SLC38A6: variants seen among roughly 807,000 people sequenced by gnomAD.
The protein encoded by SLC38A6 is solute carrier family 38 member 6.
In SLC38A6, 73 loss-of-function variants were observed where a neutral mutation model predicts 65.0. The ratio of observed to expected loss-of-function variants is 1.12; its 90% confidence interval spans 0.93 to 1.37. The LOEUF is 1.37. Among genes scored for constraint, SLC38A6 ranks in the 40% most tolerant of loss-of-function variants. The probability of loss-of-function intolerance (pLI) is 0.00; values close to 1 mark genes in which losing one functional copy is unlikely to be tolerated. For missense variants in SLC38A6, 561 were observed against 531.1 expected (o/e 1.06, Z -0.55); for synonymous variants, 183 against 178.8 (o/e 1.02, Z -0.19).
chr14:61,021,050 G>A (rs1185651611), intron 5 of SLC38A6, among the ~76,000 whole-genome samples: 2 of 151,972 alleles, frequency 1.3e-5, no homozygotes, highest in Admixed American at 1.3e-4. Flanking sequence ...ATTGGAGATG[G>A]CTATACTGTA....
chr14:61,031,585 A>T (rs2040994195), intron 6 of SLC38A6, among the ~76,000 whole-genome samples: 1 of 152,090 alleles, frequency 6.6e-6, no homozygotes, highest in Non-Finnish European at 1.5e-5. Flanking sequence ...TTTACAGTTA[A>T]TGAGGTTTCC....
chr14:61,072,063 T>G (rs962520653), intron 15 of SLC38A6, among the ~76,000 whole-genome samples: 1 of 152,168 alleles, frequency 6.6e-6, no homozygotes, highest in African/African-American at 2.4e-5. Context: ...AAATCCAATA[T>G]CAAGGTACCA....
intron 11 of SLC38A6, 106 bp downstream of exon 11, chr14:61,045,531 T>C (rs1386094116): frequency 6.2e-6 from 5 of 801,958 alleles, no homozygotes; most frequent in Non-Finnish European, 1.0e-5. Flanking sequence ...CTCTCATCAG[T>C]GGATCCTAAG....
Position 61,037,671 on chromosome 14 carries a change from C to A in SLC38A6, c.612C>A (p.Phe204Leu). Residue 204 changes from phenylalanine (F) to leucine (L), a missense_variant, in exon 8 of 16, where the codon TTC becomes TTA. Phe to Leu is a conservative substitution (Grantham distance 22, BLOSUM62 0). Coordinates refer to ENST00000267488, the MANE Select transcript of SLC38A6 (RefSeq NM_153811.3). ...TSSLSFFFMMFFALVVIIKKW... is the reference protein window; with the variant it reads ...TSSLSFFFMMLFALVVIIKKW... The stretch of plus-strand genomic sequence containing the variant: ...GTTTATCATTTTTCTTTATGATGTT[C>A]TTTGCTCTTGTGGTAAGTTTAAAAT... The A allele has an allele frequency of 6.3e-7, 1 of 1,589,204 alleles. No homozygotes were observed. Among genetic ancestry groups the A allele is most frequent in the Non-Finnish European group, 8.6e-7 (1 of 1,163,132 alleles).
intron 5 of SLC38A6, among the ~76,000 whole-genome samples, chr14:61,021,325 A>C (rs547601401): frequency 1.3e-5 from 2 of 152,322 alleles, no homozygotes; most frequent in East Asian, 3.9e-4. Context: ...CAGGTATTTG[A>C]AAGACTGAAC....
At chr14:61,055,963 T>C, downstream of SLC38A6, among the ~76,000 whole-genome samples, 1 of 19,588 alleles carries the variant, frequency 5.1e-5, no homozygotes, top group African/African-American at 1.1e-4. Flanking sequence ...TTTGATGGGG[T>C]TGTTTGTTTT....
At chr14:60,992,632 G>A (rs772401253) in intron 3 of SLC38A6, among the ~76,000 whole-genome samples, 1 of 152,008 alleles carries the variant, frequency 6.6e-6, no homozygotes, top group Admixed American at 6.5e-5. Context: ...GGGACTGAGT[G>A]TGAGGTGGGA....
chr14:60,984,653 A>G (rs749004428), intron 2 of SLC38A6, 77 bp from the exon 3 acceptor site: 39 of 1,178,102 alleles, frequency 3.3e-5, no homozygotes, highest in Non-Finnish European at 4.6e-5. Flanking sequence ...CTGTTAAGCA[A>G]TTTGTTTTTG....
intron 16 of SLC38A6, among the ~76,000 whole-genome samples, chr14:61,079,152 T>C (rs2043544370): frequency 6.7e-6 from 1 of 148,382 alleles, no homozygotes; most frequent in Non-Finnish European, 1.5e-5. Context: ...TTTTTTTTTT[T>C]TTTGAGACAG....
chr14:61,002,100 A>C (rs2038750892), intron 3 of SLC38A6: 1 of 152,204 alleles, frequency 6.6e-6, no homozygotes, highest in African/African-American at 2.4e-5. Context: ...TGAAGAGCTA[A>C]GTAGTATACT....
At chr14:61,031,203 A>T (rs1345371644) in intron 6 of SLC38A6, among the ~76,000 whole-genome samples, 1 of 152,168 alleles carries the variant, frequency 6.6e-6, no homozygotes, top group African/African-American at 2.4e-5. Flanking sequence ...GAACAAGAAC[A>T]TTCTAGAAAA....
intron 15 of SLC38A6, among the ~76,000 whole-genome samples, chr14:61,059,475 T>G (rs929640844): frequency 2.2e-4 from 1 of 4,602 alleles, no homozygotes; most frequent in Non-Finnish European, 4.3e-4. Flanking sequence ...CTTGTTGGGT[T>G]TCTGCCGAGA....
chr14:61,010,022 T>C (rs993849244), intron 3 of SLC38A6, among the ~76,000 whole-genome samples: 2 of 152,238 alleles, frequency 1.3e-5, no homozygotes, highest in African/African-American at 4.8e-5. Flanking sequence ...TTCCTATTTT[T>C]CCACATCCTC....
chr14:60,984,263 T>G (rs567729583), intron 2 of SLC38A6, among the ~76,000 whole-genome samples: 1 of 152,278 alleles, frequency 6.6e-6, no homozygotes, highest in African/African-American at 2.4e-5. Context: ...AAATAAATCT[T>G]AAGTACACCT....
At chr14:61,020,973 A>T (rs572398977) in intron 5 of SLC38A6, among the ~76,000 whole-genome samples, 7 of 152,198 alleles carry the variant, frequency 4.6e-5, no homozygotes, top group African/African-American at 1.7e-4. Flanking sequence ...CACAAGGCCC[A>T]CTGTTGTATT....
At chr14:60,983,419 A>C (rs1400352077) in intron 2 of SLC38A6, among the ~76,000 whole-genome samples, 1 of 152,194 alleles carries the variant, frequency 6.6e-6, no homozygotes, top group Non-Finnish European at 1.5e-5. Context: ...TTGAGGCTGC[A>C]GTGAGCCATG....
rs188292841 is a variant in SLC38A6, at chr14:61,064,374, A to G, written c.1290+12239A>G. On this transcript the variant is annotated intron_variant, in intron 15 of 16. Coordinates refer to the SLC38A6 transcript ENST00000354886. ...TAACCCTAAATCTGCAACAGATGCA[A>G]GGATGCCCCCTGGGGGCAATTGTTA... Among the ~76,000 whole-genome samples the G allele has an allele frequency of 1.3e-3, 200 of 152,212 alleles. 1 individual carries two copies. The highest frequency in any genetic ancestry group is 1.8e-3 in the Non-Finnish European group (124 of 67,998).
In SLC38A6 at chr14:60,981,273, G is replaced by C. The variant is rs1250558458; in HGVS notation, c.-5G>C. 2 of 1,597,820 alleles carry C rather than the reference G, an allele frequency of 1.3e-6. No individual in the cohort carries two copies. Among genetic ancestry groups the C allele is most frequent in the Non-Finnish European group, 1.7e-6 (2 of 1,172,408 alleles). ...GATGGAACTGGTAGTCAGCTGGAGA[G>C]CAGCATGGAGGCGTCCTGGGGGAGC... is the stretch of plus-strand genomic sequence containing the variant. On this transcript the variant is annotated 5_prime_UTR_variant, in exon 1 of 16. Transcript: ENST00000267488.
chr14:61,010,918 A>G (rs929302042), intron 3 of SLC38A6, among the ~76,000 whole-genome samples: 5 of 152,202 alleles, frequency 3.3e-5, no homozygotes, highest in African/African-American at 1.2e-4. Context: ...AATTCTGTGA[A>G]GAAAGTCATT....
Sources: allele counts gnomAD v4.1 joint callset (sites outside exome capture counted in the v4.1 genomes callset), GRCh38; gene constraint gnomAD v4.1.1; transcripts MANE v1.5; gene names NCBI Gene and HGNC (gene_info 2026-07-23, HGNC 2026-07-21).